Variants in DKK2 observed in about 807,000 individuals in gnomAD.
DKK2 encodes dickkopf-related protein 2.
Under a neutral mutation model 28.1 loss-of-function variants are expected in DKK2, and 11 were observed. The observed-to-expected ratio is 0.39, with a 90% confidence interval of 0.25 to 0.65. The LOEUF (loss-of-function observed/expected upper bound fraction) is 0.65, where lower values mean the gene tolerates loss of function less well. Among genes scored for constraint, DKK2 ranks in the 30% least tolerant of loss-of-function variants. DKK2 has a pLI of 0.47. For synonymous variants in DKK2, 135 were observed against 126.5 expected (o/e 1.07, Z -0.45); for missense variants, 326 against 335.5 (o/e 0.97, Z 0.22).
intron 1 of DKK2, among the ~76,000 whole-genome samples, chr4:107,021,986 G>A (rs1400928795): frequency 6.6e-6 from 1 of 151,982 alleles, no homozygotes; most frequent in South Asian, 2.1e-4. Context: ...GGTTTTTGAG[G>A]GGACATTGAT....
chr4:106,937,644 C>T (rs1724617204), intron 1 of DKK2, among the ~76,000 whole-genome samples: 1 of 151,094 alleles, frequency 6.6e-6, no homozygotes, highest in Non-Finnish European at 1.5e-5. Context: ...AACTCTCCAC[C>T]CCAAATCAAC....
intron 1 of DKK2, among the ~76,000 whole-genome samples, chr4:106,982,178 T>A (rs1056391555): frequency 6.6e-6 from 1 of 152,222 alleles, no homozygotes; most frequent in African/African-American, 2.4e-5. Flanking sequence ...TTTCGTTGGT[T>A]ATTTTATTTG....
intron 1 of DKK2, among the ~76,000 whole-genome samples, chr4:106,969,950 A>T (rs1439477082): frequency 2.0e-5 from 3 of 152,126 alleles, no homozygotes; most frequent in African/African-American, 7.2e-5. Context: ...AGGGACTCTT[A>T]ATATACAGTT....
At chr4:106,977,267 C>T (rs866500356) in intron 1 of DKK2, among the ~76,000 whole-genome samples, 23 of 152,164 alleles carry the variant, frequency 1.5e-4, no homozygotes, top group African/African-American at 3.9e-4. Context: ...CTGTATTTCC[C>T]GAATTTGAAT....
Position 106,999,296 on chromosome 4 carries a change from T to C in DKK2, c.222+36074A>G, listed in dbSNP as rs897968275. ...AACCCTACTTCATAAATAAAATCTG[T>C]ATAACATATACATATATGTACATTA... On this transcript the variant is annotated intron_variant, in intron 1 of 3. Transcript: ENST00000285311. 1.6e-4 allele frequency among the ~76,000 whole-genome samples: 24 copies of C among 152,326 alleles called. No homozygotes were observed. In the South Asian group the frequency reaches 1.9e-3, roughly 12 times the overall value.
At chr4:106,936,732 C>G (rs1299875911) in intron 1 of DKK2, among the ~76,000 whole-genome samples, 5 of 152,140 alleles carry the variant, frequency 3.3e-5, no homozygotes, top group Admixed American at 6.5e-5. Flanking sequence ...TCGGGTTACC[C>G]ACAAAGGGAA....
chr4:106,926,975 T>A (rs566188094), intron 1 of DKK2, among the ~76,000 whole-genome samples: 1 of 152,326 alleles, frequency 6.6e-6, no homozygotes, highest in African/African-American at 2.4e-5. Flanking sequence ...TTACTCAGAT[T>A]TTGAGGCAGG....
At chr4:106,962,157 G>GT (rs1031599260) in intron 1 of DKK2, among the ~76,000 whole-genome samples, 1 of 152,058 alleles carries the variant, frequency 6.6e-6, no homozygotes, top group African/African-American at 2.4e-5. Context: ...ACTATTAGCA[G>GT]TATCTGTAAT....
At chr4:106,972,473 T>A (rs1722882078) in intron 1 of DKK2, among the ~76,000 whole-genome samples, 1 of 151,864 alleles carries the variant, frequency 6.6e-6, no homozygotes, top group Non-Finnish European at 1.5e-5. Context: ...AAAGTACTGT[T>A]AAAAGACAAG....
intron 1 of DKK2, among the ~76,000 whole-genome samples, chr4:107,021,899 CCTGA>C (rs1449398104): frequency 6.6e-6 from 1 of 152,026 alleles, no homozygotes; most frequent in African/African-American, 2.4e-5. Context: ...TACAAGTCAG[CCTGA>C]CTGTCTGCCA....
At position 106,939,025 on chromosome 4, in the gene DKK2, G is replaced by A. The variant is rs547560403; in HGVS notation, c.223-13076C>T. ...ATATCATACTGAATGGGCAAAAACT[G>A]GAAGCATTCCCATTGAAAACTGGCA... On this transcript the variant is annotated intron_variant, in intron 1 of 3. Transcript: ENST00000285311. Among the ~76,000 whole-genome samples, 659 of 152,056 alleles carry A rather than the reference G, an allele frequency of 4.3e-3. 5 individuals are homozygous for A. Among genetic ancestry groups the A allele is most frequent in the African/African-American group, 0.015 (635 of 41,410 alleles).
chr4:106,977,233 C>T (rs1475584735), intron 1 of DKK2, among the ~76,000 whole-genome samples: 1 of 152,054 alleles, frequency 6.6e-6, no homozygotes, highest in East Asian at 1.9e-4. Context: ...TTGCTCTTCT[C>T]GAGTAGTATC....
chr4:107,004,828 G>A (rs972187822), intron 1 of DKK2, among the ~76,000 whole-genome samples: 1 of 152,172 alleles, frequency 6.6e-6, no homozygotes, highest in Non-Finnish European at 1.5e-5. Flanking sequence ...TAGTGAAAGA[G>A]ATGTTGCTAA....
chr4:107,023,795 C>T (rs1723730412), intron 1 of DKK2, among the ~76,000 whole-genome samples: 1 of 151,970 alleles, frequency 6.6e-6, no homozygotes, highest in African/African-American at 2.4e-5. Context: ...TAAAACTACT[C>T]TCAAAAACCA....
intron 1 of DKK2, among the ~76,000 whole-genome samples, chr4:106,946,847 C>G (rs917314562): frequency 6.6e-6 from 1 of 151,974 alleles, no homozygotes; most frequent in Non-Finnish European, 1.5e-5. Context: ...AATAGGTGCT[C>G]TACCTTCTGC....
chr4:107,006,077 A>C (rs1723433465), intron 1 of DKK2, among the ~76,000 whole-genome samples: 1 of 152,230 alleles, frequency 6.6e-6, no homozygotes. Flanking sequence ...GAACAATTCC[A>C]ACGTTTAAGA....
At position 106,921,921 on chromosome 4, in the gene DKK2, A is replaced by G. The variant is rs1326419765; in HGVS notation, c.*2033T>C. On this transcript the variant is annotated 3_prime_UTR_variant, in exon 4 of 4. Coordinates refer to ENST00000285311, the MANE Select transcript of DKK2 (RefSeq NM_014421.3). ...AAAGCTTTCTGTAAGAAATATCTCTATAAGAAAATACATCTCATTAACATT... is the reference window on the plus strand; with the variant it reads ...AAAGCTTTCTGTAAGAAATATCTCTGTAAGAAAATACATCTCATTAACATT... 1.3e-5 allele frequency: 2 copies of G among 152,642 alleles called. No homozygotes were observed. Among genetic ancestry groups the G allele is most frequent in the Non-Finnish European group, 2.9e-5 (2 of 68,032 alleles). The allele number at this position is 152,642 out of a possible 1,614,324, so 9.5% of individuals were successfully genotyped here. A position where few individuals can be genotyped will look rare whatever the true frequency, so the allele number is the denominator to read the frequency against.
intron 1 of DKK2, among the ~76,000 whole-genome samples, chr4:106,990,655 A>G (rs1281693634): frequency 6.6e-6 from 1 of 152,120 alleles, no homozygotes; most frequent in African/African-American, 2.4e-5. Flanking sequence ...AGACTTGTGG[A>G]AAGGTGTGCA....
At chr4:107,011,025 A>G (rs1345822900) in intron 1 of DKK2, among the ~76,000 whole-genome samples, 1 of 151,508 alleles carries the variant, frequency 6.6e-6, no homozygotes, top group African/African-American at 2.4e-5. Flanking sequence ...TTCTGCATCC[A>G]GTCTCTTGCA....
Sources: gnomAD v4.1 joint callset for allele counts (sites outside exome capture counted in the v4.1 genomes callset) on GRCh38, gnomAD v4.1.1 for gene constraint, MANE v1.5 for transcripts, NCBI Gene and HGNC (gene_info 2026-07-23, HGNC 2026-07-21) for gene names.